The following ZDHHC7 variants were observed in gnomAD, a reference collection of about 807,000 sequenced individuals.
The protein encoded by ZDHHC7 is palmitoyltransferase ZDHHC7.
A neutral mutation model predicts 34.1 loss-of-function variants in ZDHHC7; 12 were observed. That is an observed-to-expected ratio of 0.35 (90% CI 0.23 to 0.57). ZDHHC7 has a LOEUF of 0.57. Ranked by LOEUF, ZDHHC7 falls within the 20% of genes least tolerant of loss-of-function variation. The pLI, the probability that ZDHHC7 is intolerant of heterozygous loss-of-function variation, is 0.84. For synonymous variants in ZDHHC7, 185 were observed against 155.4 expected (o/e 1.19, Z -1.42); for missense variants, 388 against 402.7 (o/e 0.96, Z 0.31).
chr16:85,009,165 C>CA (rs2072756469), intron 1 of ZDHHC7, among the ~76,000 whole-genome samples: 1 of 151,952 alleles, frequency 6.6e-6, no homozygotes, highest in African/African-American at 2.4e-5. Flanking sequence ...ATGTTCATCC[C>CA]AAACATTAAC....
At chr16:84,996,078 G>T (rs998633483) in intron 1 of ZDHHC7, 71 bp from the exon 2 acceptor site, 2 of 152,126 alleles carry the variant, frequency 1.3e-5, no homozygotes, top group African/African-American at 4.8e-5. Context: ...ATTTCTTAGG[G>T]TATGATTAAT....
intron 1 of ZDHHC7, among the ~76,000 whole-genome samples, chr16:84,998,352 C>G (rs895611699): frequency 6.6e-6 from 1 of 151,948 alleles, no homozygotes; most frequent in African/African-American, 2.4e-5. Flanking sequence ...GAGAAAAGGG[C>G]GCAAGCAGAT....
chr16:85,011,038 G>A (rs1387099667), intron 1 of ZDHHC7, among the ~76,000 whole-genome samples: 2 of 152,258 alleles, frequency 1.3e-5, no homozygotes, highest in Non-Finnish European at 2.9e-5. Context: ...CCCAAGGTCA[G>A]GCAAAAAGCT....
rs1374370830 is a variant in ZDHHC7 at position 84,992,578 on chromosome 16, C to T, written c.-17-1943G>A. Among the ~76,000 whole-genome samples the T allele has an allele frequency of 3.3e-5, 5 of 152,290 alleles. No individual in the cohort carries two copies. The East Asian group carries it at 9.6e-4, about 29-fold the overall frequency. On this transcript the variant is annotated intron_variant, in intron 2 of 7. Coordinates refer to ENST00000313732, the MANE Select transcript of ZDHHC7 (RefSeq NM_017740.3). ...GTTTGCTCTGAGAGTTGTAATATCA[C>T]AGATAAAGAGCCAGGGAAAGGAAGA...
the ZDHHC7 span, among the ~76,000 whole-genome samples, chr16:85,020,950 CA>C: frequency 6.6e-6 from 1 of 151,698 alleles, no homozygotes. Flanking sequence ...ACAAAAAATA[CA>C]AAAATTAGCC....
chr16:85,000,242 G>A lies in ZDHHC7; in HGVS notation c.-103-4235C>T, dbSNP rs78478515. Among the ~76,000 whole-genome samples, 357 of 152,270 alleles carry A rather than the reference G, an allele frequency of 2.3e-3. 2 individuals are homozygous for A. Among genetic ancestry groups the A allele is most frequent in the Non-Finnish European group, 1.7e-3 (114 of 68,010 alleles). On this transcript the variant is annotated intron_variant, in intron 1 of 7. Coordinates refer to ENST00000313732, the MANE Select transcript of ZDHHC7 (RefSeq NM_017740.3). Reference sequence around the variant, plus strand: ...ATACCCAGCACAGGTATGTACGGCCGGTGTGATAGTGCAAGGGTGCGGCAC... The same window carrying A: ...ATACCCAGCACAGGTATGTACGGCCAGTGTGATAGTGCAAGGGTGCGGCAC...
At chr16:85,008,548 G>A (rs1448446687) in intron 1 of ZDHHC7, among the ~76,000 whole-genome samples, 2 of 151,610 alleles carry the variant, frequency 1.3e-5, no homozygotes, top group Non-Finnish European at 2.9e-5. Flanking sequence ...TCACAAGTGA[G>A]GGCAGTCCTG....
chr16:84,992,667 A>C (rs1195847402), intron 2 of ZDHHC7, among the ~76,000 whole-genome samples: 3 of 152,082 alleles, frequency 2.0e-5, no homozygotes, highest in Non-Finnish European at 4.4e-5. Flanking sequence ...TAACGAACTG[A>C]CCCGGGCACC....
At chr16:85,006,861 T>C (rs1432525871) in intron 1 of ZDHHC7, among the ~76,000 whole-genome samples, 1 of 150,892 alleles carries the variant, frequency 6.6e-6, no homozygotes, top group African/African-American at 2.5e-5. Context: ...CTCTCTTCCA[T>C]ATGGTGCTCC....
In ZDHHC7 at chr16:84,997,367, C is replaced by G. The variant is rs1012353321; in HGVS notation, c.-103-1360G>C. On this transcript the variant is annotated intron_variant, in intron 1 of 7. Transcript: ENST00000313732. The stretch of plus-strand genomic sequence containing the variant: ...CACTGCAAACTCCACCTCCCGGGTT[C>G]ACGCCATTCTCCTGCCTCAGCCTCC... Among the ~76,000 whole-genome samples, 7 of 147,862 alleles carry G rather than the reference C, an allele frequency of 4.7e-5. No individual in the cohort carries two copies. The Admixed American group carries it at 4.8e-4, about 10-fold the overall frequency.
At chr16:85,011,805 C>T (rs1018533936), upstream of ZDHHC7, among the ~76,000 whole-genome samples, 2 of 152,148 alleles carry the variant, frequency 1.3e-5, no homozygotes, top group African/African-American at 4.8e-5. Context: ...ATGCCCTTAG[C>T]GGAGTGTGTA....
intron 1 of ZDHHC7, among the ~76,000 whole-genome samples, chr16:85,001,561 A>G (rs1438809951): frequency 1.3e-5 from 2 of 152,148 alleles, no homozygotes; most frequent in South Asian, 2.1e-4. Flanking sequence ...GGAGGAAGCT[A>G]GAATGACCTA....
chr16:84,987,506 T>C (rs1487272435), intron 3 of ZDHHC7, among the ~76,000 whole-genome samples: 2 of 151,878 alleles, frequency 1.3e-5, no homozygotes, highest in Non-Finnish European at 2.9e-5. Context: ...TTCTTTTTTT[T>C]CCCCCAGTGG....
Position 84,977,970 on chromosome 16 carries a change from G to C in ZDHHC7, c.573C>G (p.Ile191Met), listed in dbSNP as rs1317053590. 3 of 1,613,934 alleles carry C rather than the reference G, an allele frequency of 1.9e-6. No homozygotes were observed. The highest frequency in any genetic ancestry group is 1.3e-5 in the African/African-American group (1 of 74,914). ...AGGAGATGAACTGAAATCCACAAAG[G>C]ATCAGAGCATGGACTGAAGACAGAG... ...YIALSSVHAL[I>M]LCGFQFISCV... The change falls in exon 6 of 8, where the codon ATC (isoleucine) becomes ATG (methionine). Residue 191 changes from isoleucine to methionine, a missense_variant. Physicochemically the swap from Ile to Met is conservative, Grantham distance 10. Transcript: ENST00000313732.
upstream of ZDHHC7, among the ~76,000 whole-genome samples, chr16:85,012,369 G>A (rs1465133985): frequency 3.8e-5 from 5 of 130,156 alleles, no homozygotes; most frequent in African/African-American, 1.6e-4. Context: ...GGGCGACAGA[G>A]TGAACAGTCT....
upstream of ZDHHC7, among the ~76,000 whole-genome samples, chr16:85,014,395 C>CT (rs200366114): frequency 1.4e-4 from 21 of 152,132 alleles, no homozygotes; most frequent in African/African-American, 4.8e-4. Context: ...TCAAGGTGCT[C>CT]TTTTTTTTAG....
rs867993829 is a variant in ZDHHC7 at position 84,990,432 on chromosome 16, A to G, written c.187T>C (p.Phe63Leu). The G allele has an allele frequency of 6.2e-7, 1 of 1,614,168 alleles. No individual in the cohort carries two copies. The highest frequency in any genetic ancestry group is 1.6e-4 in the Middle Eastern group (1 of 6,062). ...MTWLLVAYAD[F>L]VVTFVMLLPS... is the part of the protein sequence containing the mutation. ...AGCAGCATGACGAAAGTCACCACGA[A>G]GTCTGCATAGGCGACCAGAAGCCAC... The change falls in exon 3 of 8, where the codon TTC (phenylalanine) becomes CTC (leucine). Residue 63 changes from phenylalanine to leucine, a missense_variant. Transcript: ENST00000313732.
At chr16:84,977,314 C>G in intron 6 of ZDHHC7, 89 bp from the exon 7 acceptor site, 1 of 1,511,506 alleles carries the variant, frequency 6.6e-7, no homozygotes, top group Non-Finnish European at 9.0e-7. Context: ...CTAGGGCCAG[C>G]CCCTGGCCAG....
the ZDHHC7 span, among the ~76,000 whole-genome samples, chr16:85,019,917 G>A: frequency 1.3e-5 from 2 of 152,128 alleles, no homozygotes. Flanking sequence ...CTTAGCTGCT[G>A]TTATACCCCC....
Sources: gnomAD v4.1 joint callset for allele counts (sites outside exome capture counted in the v4.1 genomes callset) on GRCh38, gnomAD v4.1.1 for gene constraint, MANE v1.5 for transcripts, NCBI Gene and HGNC (gene_info 2026-07-23, HGNC 2026-07-21) for gene names.